Variants in OXSR1 observed in about 807,000 individuals in gnomAD.
The protein encoded by OXSR1 is oxidative stress responsive kinase 1, also known as serine/threonine-protein kinase OSR1.
In OXSR1, 24 loss-of-function variants were observed where a neutral mutation model predicts 79.8. The observed-to-expected ratio is 0.30, with a 90% CI of 0.22 to 0.42. The LOEUF (loss-of-function observed/expected upper bound fraction) is 0.42. Among genes scored for constraint, OXSR1 ranks in the 10% least tolerant of loss-of-function variants. OXSR1 has a pLI of 1.00. For synonymous variants in OXSR1, 226 were observed against 209.2 expected (o/e 1.08, Z -0.69); for missense variants, 430 against 618.4 (o/e 0.70, Z 3.23).
chr3:38,243,124 C>T (rs1044864487), intron 12 of OXSR1, among the ~76,000 whole-genome samples: 11 of 152,048 alleles, frequency 7.2e-5, no homozygotes, highest in Non-Finnish European at 1.6e-4. Flanking sequence ...CCTTGACCTC[C>T]TGGGGCTCAA....
At chr3:38,248,882 C>T (rs1043855243) in intron 14 of OXSR1, among the ~76,000 whole-genome samples, 9 of 151,992 alleles carry the variant, frequency 5.9e-5, no homozygotes, top group African/African-American at 1.7e-4. Flanking sequence ...TAGCACTCTT[C>T]GGTACTGTGG....
At chr3:38,170,191 C>A (rs569819943) in intron 1 of OXSR1, among the ~76,000 whole-genome samples, 1 of 151,898 alleles carries the variant, frequency 6.6e-6, no homozygotes, top group African/African-American at 2.4e-5. Flanking sequence ...ATTACACATG[C>A]GTGCCACCAC....
chr3:38,230,423 CA>C lies in OXSR1; in HGVS notation c.950del (p.Lys317ArgfsTer46). On this transcript the variant is annotated frameshift_variant, in exon 10 of 18. Coordinates refer to ENST00000311806, the MANE Select transcript of OXSR1 (RefSeq NM_005109.3). LOFTEE classifies it high-confidence loss of function. ...AGAGCACCAACCATTTCTGAAAGAG[CA>C]AAAAAGGTAAATCAGAATTTAACTC... ...LQRAPTISER[A>X]KKVRRVPGSS... 6 of 1,591,800 alleles carry C rather than the reference CA, an allele frequency of 3.8e-6. No homozygotes were observed. Among genetic ancestry groups the C allele is most frequent in the African/African-American group, 1.4e-5 (1 of 73,724 alleles).
chr3:38,168,019 G>T (rs1156323846), intron 1 of OXSR1, among the ~76,000 whole-genome samples: 3 of 151,890 alleles, frequency 2.0e-5, no homozygotes, highest in African/African-American at 7.3e-5. Context: ...TAGAGATTTC[G>T]TGATTTGTTA....
intron 5 of OXSR1, among the ~76,000 whole-genome samples, chr3:38,219,948 C>T (rs1702556666): frequency 6.6e-6 from 1 of 152,078 alleles, no homozygotes; most frequent in Non-Finnish European, 1.5e-5. Context: ...GCTAGGGCTA[C>T]AGGTGCCTGC....
intron 1 of OXSR1, among the ~76,000 whole-genome samples, chr3:38,172,951 C>T (rs1019961080): frequency 4.6e-5 from 7 of 152,224 alleles, no homozygotes; most frequent in African/African-American, 1.7e-4. Context: ...GACTCTCCTT[C>T]TCATAGTTGG....
Position 38,252,883 on chromosome 3 carries a change from A to G in OXSR1, c.1576A>G (p.Ile526Val). The change falls in exon 18 of 18, where the codon ATC (isoleucine) becomes GTC (valine). Residue 526 changes from isoleucine to valine, a missense_variant. Physicochemically the swap from Ile to Val is conservative, Grantham distance 29. Transcript: ENST00000311806. ...GKLIGFAQLSIS is the reference protein window; with the variant it reads ...GKLIGFAQLSVS ...ACTGATAGGATTTGCCCAGCTCAGC[A>G]TCAGCTAAACCACAACCCTGGAAGA... is the stretch of plus-strand genomic sequence containing the variant. 1 of 1,613,564 alleles carries G rather than the reference A, an allele frequency of 6.2e-7. No individual in the cohort carries two copies. The highest frequency in any genetic ancestry group is 8.5e-7 in the Non-Finnish European group (1 of 1,179,548).
chr3:38,183,035 T>C lies in OXSR1; in HGVS notation c.103T>C (p.Tyr35His). The change falls in exon 2 of 18, where the codon TAT (tyrosine) becomes CAT (histidine). Residue 35 changes from tyrosine (Y) to histidine (H), a missense_variant. Coordinates refer to ENST00000311806, the MANE Select transcript of OXSR1 (RefSeq NM_005109.3). Reference protein sequence around the residue: ...SGATAVVQAAYCAPKKEKVAI... With the variant: ...SGATAVVQAAHCAPKKEKVAI... ...AGCAACTGCTGTAGTCCAAGCAGCT[T>C]ATTGTGCCCCTAAAAAGGAGAAAGT... The C allele has an allele frequency of 6.2e-7, 1 of 1,613,098 alleles. No homozygotes were observed. Among genetic ancestry groups the C allele is most frequent in the Non-Finnish European group, 8.5e-7 (1 of 1,179,420 alleles).
chr3:38,229,516 T>C (rs34799707), intron 8 of OXSR1, among the ~76,000 whole-genome samples, 171 bp from the exon 9 acceptor site: 5,025 of 152,266 alleles, frequency 0.033, 93 homozygotes, highest in Middle Eastern at 0.13. Flanking sequence ...TTATTCAATG[T>C]CCTGTATCAA....
intron 4 of OXSR1, among the ~76,000 whole-genome samples, chr3:38,210,066 C>G (rs922542121): frequency 2.0e-5 from 3 of 149,900 alleles, no homozygotes; most frequent in Non-Finnish European, 4.4e-5. Flanking sequence ...TTTTTTTTTC[C>G]TCTTGACACT....
chr3:38,174,938 A>G (rs1701650868), intron 1 of OXSR1, among the ~76,000 whole-genome samples: 1 of 152,142 alleles, frequency 6.6e-6, no homozygotes, highest in Non-Finnish European at 1.5e-5. Flanking sequence ...CTTTATTTTC[A>G]TCTTTGTATG....
At chr3:38,197,424 G>A (rs971748625) in intron 3 of OXSR1, among the ~76,000 whole-genome samples, 7 of 152,198 alleles carry the variant, frequency 4.6e-5, no homozygotes, top group African/African-American at 1.7e-4. Flanking sequence ...CTTGGTGTGG[G>A]GAAGTATGGT....
chr3:38,219,761 G>A lies in OXSR1; in HGVS notation c.491-1817G>A, dbSNP rs1330854631. On this transcript the variant is annotated intron_variant, in intron 5 of 17. Coordinates refer to ENST00000311806, the MANE Select transcript of OXSR1 (RefSeq NM_005109.3). ...AGTTTTTAGATATTTCCCGGTTTAG[G>A]AGTATTGAAAACTGTTAAGATGATG... is the stretch of plus-strand genomic sequence containing the variant. Among the ~76,000 whole-genome samples the A allele has an allele frequency of 2.7e-5, 4 of 148,362 alleles. No homozygotes were observed. In the South Asian group the frequency reaches 6.5e-4, roughly 24 times the overall value.
At chr3:38,250,217 C>T (rs2125856026) in intron 15 of OXSR1, 199 bp downstream of exon 15, 1 of 544,058 alleles carries the variant, frequency 1.8e-6, no homozygotes, top group East Asian at 3.2e-5. Flanking sequence ...TATAATAATA[C>T]AAACAGTAAT....
intron 2 of OXSR1, among the ~76,000 whole-genome samples, chr3:38,186,660 A>G (rs1337043549): frequency 6.6e-6 from 1 of 152,188 alleles, no homozygotes; most frequent in Non-Finnish European, 1.5e-5. Flanking sequence ...TTATTGGTGA[A>G]TAACAGTCCA....
intron 4 of OXSR1, among the ~76,000 whole-genome samples, chr3:38,208,239 C>G (rs1702308702): frequency 6.6e-6 from 1 of 151,810 alleles, no homozygotes; most frequent in Non-Finnish European, 1.5e-5. Context: ...ACATGTTAAC[C>G]AGGTATAGGA....
chr3:38,252,502 T>C, intron 17 of OXSR1, 110 bp downstream of exon 17: 1 of 834,218 alleles, frequency 1.2e-6, no homozygotes, highest in Non-Finnish European at 2.1e-6. Flanking sequence ...ATGTGGTGGA[T>C]TGTGTTCATT....
At chr3:38,234,723 C>T (rs1005759793) in intron 10 of OXSR1, among the ~76,000 whole-genome samples, 1 of 152,260 alleles carries the variant, frequency 6.6e-6, no homozygotes, top group Admixed American at 6.5e-5. Context: ...GGTGACCCAG[C>T]AGTTCTACTC....
intron 4 of OXSR1, among the ~76,000 whole-genome samples, chr3:38,213,942 T>C (rs1328719987): frequency 6.6e-6 from 1 of 152,210 alleles, no homozygotes; most frequent in African/African-American, 2.4e-5. Context: ...GATAGTTCCA[T>C]GTCAACATGT....
Sources: allele counts gnomAD v4.1 joint callset (sites outside exome capture counted in the v4.1 genomes callset), GRCh38; gene constraint gnomAD v4.1.1; transcripts MANE v1.5; gene names NCBI Gene and HGNC (gene_info 2026-07-23, HGNC 2026-07-21).